Variants in CNTRL observed in about 807,000 individuals in gnomAD.
CNTRL encodes 110 kDa centrosomal protein.
A neutral mutation model predicts 303.7 loss-of-function variants in CNTRL; 233 were observed. That is an observed-to-expected ratio of 0.77 (90% CI 0.69 to 0.86). The LOEUF (loss-of-function observed/expected upper bound fraction) is 0.86, where lower values mean the gene tolerates loss of function less well. CNTRL is among the 40% of genes least tolerant of loss of function. CNTRL has a pLI of 0.00. For synonymous variants in CNTRL, 900 were observed against 922.2 expected (o/e 0.98, Z 0.44); for missense variants, 2,524 against 2,650.6 (o/e 0.95, Z 1.05).
intron 38 of CNTRL, 82 bp from the exon 39 acceptor site, chr9:121,169,529 G>A: frequency 3.0e-6 from 4 of 1,314,082 alleles, no homozygotes; most frequent in Non-Finnish European, 4.4e-6. Flanking sequence ...TCACCATTAT[G>A]CATCTGCCAC....
chr9:121,083,041 A>C (rs2048205778), intron 2 of CNTRL, among the ~76,000 whole-genome samples: 1 of 152,046 alleles, frequency 6.6e-6, no homozygotes, highest in African/African-American at 2.4e-5. Context: ...ATACCTGTAT[A>C]GAGCACTTAC....
intron 3 of CNTRL, among the ~76,000 whole-genome samples, chr9:121,088,888 C>T (rs771204548): frequency 3.3e-5 from 5 of 152,204 alleles, no homozygotes; most frequent in African/African-American, 9.6e-5. Context: ...AGTAAAAAAA[C>T]GTTATACATA....
In CNTRL at chr9:121,096,454, T is replaced by A. The variant is rs1323465931; in HGVS notation, c.512T>A (p.Leu171Gln). 6.4e-7 allele frequency: 1 copy of A among 1,563,714 alleles called. No homozygotes were observed. Among genetic ancestry groups the A allele is most frequent in the East Asian group, 2.3e-5 (1 of 44,256 alleles). The change falls in exon 6 of 44, where the codon CTG becomes CAG. Residue 171 changes from leucine to glutamine, a missense_variant. Physicochemically the swap from Leu to Gln is moderately radical, Grantham distance 113. Transcript: ENST00000373855. ...KIEGIENMCN[L>Q]QKLNLAGNEI... ...GAAGGCATAGAAAATATGTGTAATC[T>A]GCAAAAGCTTAACCTTGCAGGAAAT...
At chr9:121,133,056 C>T (rs148102796) in intron 14 of CNTRL, among the ~76,000 whole-genome samples, 413 of 152,288 alleles carry the variant, frequency 2.7e-3, no homozygotes, top group Non-Finnish European at 4.5e-3. Flanking sequence ...TCAGTTGGCC[C>T]CTACTGGGAG....
chr9:121,145,934 A>G (rs2051824944), intron 22 of CNTRL, among the ~76,000 whole-genome samples, 174 bp from the exon 23 acceptor site: 1 of 152,212 alleles, frequency 6.6e-6, no homozygotes, highest in Non-Finnish European at 1.5e-5. Context: ...TGTAATTTCA[A>G]AATAAATAAT....
Position 121,148,747 on chromosome 9 carries a change from A to C in CNTRL, c.3535A>C (p.Lys1179Gln). ...LKYSASTPVRKPRPGQQDGKE... is the reference protein window; with the variant it reads ...LKYSASTPVRQPRPGQQDGKE... ...GTACTCAGCCTCAACTCCTGTTAGA[A>C]AACCACGCCCTGGGCAGCAGGATGG... Residue 1179 changes from lysine (K) to glutamine (Q), a missense_variant, in exon 24 of 44, where the codon AAA (lysine) becomes CAA (glutamine). Coordinates refer to ENST00000373855, the MANE Select transcript of CNTRL (RefSeq NM_007018.6). 1 of 1,614,146 alleles carries C rather than the reference A, an allele frequency of 6.2e-7. No individual in the cohort carries two copies. The highest frequency in any genetic ancestry group is 1.1e-5 in the South Asian group (1 of 91,080).
At chr9:121,163,940 C>T (rs1197607810) in intron 34 of CNTRL, among the ~76,000 whole-genome samples, 1 of 150,734 alleles carries the variant, frequency 6.6e-6, no homozygotes, top group Non-Finnish European at 1.5e-5. Flanking sequence ...TCTTGGCTCA[C>T]TGCAAGCTCC....
Position 121,160,353 on chromosome 9 carries a change from T to C in CNTRL, c.5089+51T>C, listed in dbSNP as rs1017542805. On this transcript the variant is annotated intron_variant, in intron 32 of 43. Transcript: ENST00000373855. ...CAAAGTTTGAGGTTGGAAATGTCTGTATTACAAGTCACAGAAAAAATAACA... is the reference window on the plus strand; with the variant it reads ...CAAAGTTTGAGGTTGGAAATGTCTGCATTACAAGTCACAGAAAAAATAACA... 4 of 1,280,286 alleles carry C rather than the reference T, an allele frequency of 3.1e-6. No individual in the cohort carries two copies. In the African/African-American group the frequency reaches 4.6e-5, roughly 15 times the overall value. 79.3% of individuals were successfully genotyped at this position (1,280,286 alleles called of 1,614,324 possible).
At chr9:121,075,804 A>G (rs2047899363) in intron 1 of CNTRL, among the ~76,000 whole-genome samples, 1 of 152,178 alleles carries the variant, frequency 6.6e-6, no homozygotes, top group Non-Finnish European at 1.5e-5. Context: ...AACTTGTATG[A>G]GGTTATCATC....
intron 32 of CNTRL, 97 bp from the exon 33 acceptor site, chr9:121,161,759 T>C (rs1588309627): frequency 1.2e-6 from 1 of 856,278 alleles, no homozygotes. Context: ...TTTAAAATTG[T>C]CTTGTATTAG....
chr9:121,147,769 A>G (rs1002313507), intron 23 of CNTRL, among the ~76,000 whole-genome samples: 11 of 152,256 alleles, frequency 7.2e-5, no homozygotes, highest in African/African-American at 2.6e-4. Flanking sequence ...GTGTAGACTT[A>G]ACCAGACCCC....
Position 121,123,912 on chromosome 9 carries a change from A to ATTT in CNTRL, c.1651-10_1651-8dup. ...GTTTAAGGAACTTGGAGTTTTGTTGATTTTTTTTTTTAATTCAGTCCCATA... is the reference window on the plus strand; with the variant it reads ...GTTTAAGGAACTTGGAGTTTTGTTGATTTTTTTTTTTTTTAATTCAGTCCCATA... On this transcript the variant is annotated intron_variant, in intron 12 of 43. Transcript: ENST00000373855. The ATTT allele has an allele frequency of 7.9e-7, 1 of 1,269,142 alleles. No individual in the cohort carries two copies. The highest frequency in any genetic ancestry group is 1.5e-5 in the South Asian group (1 of 65,198). 78.6% of individuals were successfully genotyped at this position (1,269,142 alleles called of 1,614,324 possible). A position where few individuals can be genotyped will look rare whatever the true frequency, so the allele number is the denominator to read the frequency against.
At chr9:121,106,530 G>A (rs1449425373) in intron 7 of CNTRL, among the ~76,000 whole-genome samples, 1 of 152,036 alleles carries the variant, frequency 6.6e-6, no homozygotes, top group African/African-American at 2.4e-5. Context: ...GTGGTGGTGG[G>A]AAAATAGGGA....
intron 23 of CNTRL, 53 bp from the exon 24 acceptor site, chr9:121,148,619 A>T: frequency 6.6e-7 from 1 of 1,509,620 alleles, no homozygotes; most frequent in East Asian, 2.3e-5. Context: ...CGTTTCTTAA[A>T]ATCAGCCTTT....
chr9:121,169,479 C>T (rs529336740), intron 38 of CNTRL, 132 bp from the exon 39 acceptor site: 41 of 873,636 alleles, frequency 4.7e-5, no homozygotes, highest in South Asian at 3.1e-4. Flanking sequence ...TAGGCTTGTA[C>T]GACTTTGTAA....
intron 1 of CNTRL, among the ~76,000 whole-genome samples, chr9:121,078,996 C>T (rs1181506726): frequency 2.0e-5 from 3 of 152,030 alleles, no homozygotes; most frequent in African/African-American, 7.2e-5. Flanking sequence ...CATCATTGGC[C>T]ATTGGTGATC....
intron 7 of CNTRL, among the ~76,000 whole-genome samples, chr9:121,102,077 G>A (rs1393224514): frequency 6.6e-6 from 1 of 152,106 alleles, no homozygotes; most frequent in African/African-American, 2.4e-5. Flanking sequence ...TGACACCAAA[G>A]CCTGGCAGAG....
intron 3 of CNTRL, among the ~76,000 whole-genome samples, chr9:121,089,026 G>A (rs2048455002): frequency 6.6e-6 from 1 of 152,170 alleles, no homozygotes; most frequent in Admixed American, 6.5e-5. Context: ...GTTAGTCTAG[G>A]AATCTGTTCT....
intron 11 of CNTRL, among the ~76,000 whole-genome samples, chr9:121,115,811 A>G (rs944943341): frequency 1.3e-5 from 2 of 152,226 alleles, no homozygotes; most frequent in Non-Finnish European, 2.9e-5. Flanking sequence ...TATGATGGTA[A>G]CTACATTCAT....
Sources: gnomAD v4.1 joint callset for allele counts (sites outside exome capture counted in the v4.1 genomes callset) on GRCh38, gnomAD v4.1.1 for gene constraint, MANE v1.5 for transcripts, NCBI Gene and HGNC (gene_info 2026-07-23, HGNC 2026-07-21) for gene names.